ATP8A2: variants seen among roughly 807,000 people sequenced by gnomAD.
ATP8A2 encodes phospholipid-transporting ATPase IB.
ATP8A2 carries 100 observed loss-of-function variants against 165.6 expected under a neutral mutation model. The ratio of observed to expected loss-of-function variants is 0.60; its 90% CI spans 0.51 to 0.71. The LOEUF (loss-of-function observed/expected upper bound fraction) is 0.71. Ranked by LOEUF, ATP8A2 falls within the 30% of genes least tolerant of loss-of-function variation. ATP8A2 has a pLI of 0.00. For missense variants in ATP8A2, 1,227 were observed against 1,479.5 expected (o/e 0.83, Z 2.80); for synonymous variants, 543 against 548.8 (o/e 0.99, Z 0.15).
chr13:25,893,300 G>A (rs1340032851), intron 33 of ATP8A2, among the ~76,000 whole-genome samples: 1 of 149,908 alleles, frequency 6.7e-6, no homozygotes, highest in East Asian at 2.0e-4. Flanking sequence ...AACATGCGGT[G>A]TTTGGTTTTT....
chr13:25,445,616 A>G (rs1055186714), intron 1 of ATP8A2, among the ~76,000 whole-genome samples: 2 of 152,216 alleles, frequency 1.3e-5, no homozygotes, highest in Admixed American at 6.5e-5. Context: ...AACTCTTACT[A>G]TGCTTCTTAA....
chr13:25,718,940 A>G (rs2043312866), intron 25 of ATP8A2, among the ~76,000 whole-genome samples: 1 of 152,146 alleles, frequency 6.6e-6, no homozygotes, highest in African/African-American at 2.4e-5. Flanking sequence ...GTTGATGTGT[A>G]AGAACATACG....
intron 1 of ATP8A2, among the ~76,000 whole-genome samples, chr13:25,385,292 C>T (rs2032999742): frequency 6.6e-6 from 1 of 152,150 alleles, no homozygotes; most frequent in Admixed American, 6.5e-5. Flanking sequence ...AGGTTATAGT[C>T]CAGATGAGTC....
At chr13:25,969,325 T>C (rs777187398) in intron 35 of ATP8A2, among the ~76,000 whole-genome samples, 6 of 152,128 alleles carry the variant, frequency 3.9e-5, no homozygotes, top group South Asian at 2.1e-4. Flanking sequence ...GTTGTTAGAG[T>C]GCACTCTGTT....
intron 2 of ATP8A2, among the ~76,000 whole-genome samples, chr13:25,500,741 G>A (rs967749661): frequency 2.6e-4 from 40 of 152,116 alleles, no homozygotes; most frequent in African/African-American, 9.6e-4. Flanking sequence ...CACCACACTC[G>A]ACTAATTTTT....
chr13:25,423,572 T>G (rs1334724755), intron 1 of ATP8A2, among the ~76,000 whole-genome samples: 1 of 152,250 alleles, frequency 6.6e-6, no homozygotes. Context: ...TATGACAATC[T>G]ACGAGAGTAC....
rs553957305 is a variant in ATP8A2, at chr13:25,951,721, TATGTTA to T, written c.3184-9850_3184-9845del. 5.3e-5 allele frequency among the ~76,000 whole-genome samples: 8 copies of T among 152,310 alleles called. No homozygotes were observed. The South Asian group carries it at 1.7e-3, about 32-fold the overall frequency. ...TTTTGAGAACCCCTTACCATGTTAT[TATGTTA>T]ATGAACCACCACTAATTTTTGTGGT... is the stretch of plus-strand genomic sequence containing the variant. On this transcript the variant is annotated intron_variant, in intron 33 of 36. Transcript: ENST00000381655.
chr13:25,477,898 T>C (rs545261787), intron 2 of ATP8A2, among the ~76,000 whole-genome samples: 34 of 152,154 alleles, frequency 2.2e-4, no homozygotes, highest in African/African-American at 8.2e-4. Flanking sequence ...GATCGCACCA[T>C]TGCACTCCAG....
At chr13:25,789,545 C>T (rs530007531) in intron 27 of ATP8A2, among the ~76,000 whole-genome samples, 1 of 152,236 alleles carries the variant, frequency 6.6e-6, no homozygotes, top group African/African-American at 2.4e-5. Flanking sequence ...AAGGCCTCTA[C>T]AGTGAGAAAT....
intron 24 of ATP8A2, among the ~76,000 whole-genome samples, chr13:25,620,428 C>T (rs1334710233): frequency 6.6e-6 from 1 of 152,104 alleles, no homozygotes. Context: ...TGAGAGTTTG[C>T]TACCAGCCAA....
chr13:25,512,294 A>G (rs1408042267), intron 2 of ATP8A2, among the ~76,000 whole-genome samples: 1 of 152,164 alleles, frequency 6.6e-6, no homozygotes, highest in Non-Finnish European at 1.5e-5. Flanking sequence ...CTACACAGAC[A>G]CGGCAACCAT....
chr13:25,650,964 C>T (rs964409070), intron 24 of ATP8A2, among the ~76,000 whole-genome samples: 3 of 151,962 alleles, frequency 2.0e-5, no homozygotes, highest in Non-Finnish European at 4.4e-5. Flanking sequence ...CTGCATTGTC[C>T]TTATTGGATT....
At position 26,023,532 on chromosome 13, in the gene ATP8A2, T is replaced by C. The variant is rs1318584874; in HGVS notation, c.*3547T>C. ...TAACTAATGTCTTATAATGCATATGTATGTAAATATTACAGGATTTAAGGT... is the reference window on the plus strand; with the variant it reads ...TAACTAATGTCTTATAATGCATATGCATGTAAATATTACAGGATTTAAGGT... On this transcript the variant is annotated 3_prime_UTR_variant, in exon 37 of 37. Coordinates refer to ENST00000381655, the MANE Select transcript of ATP8A2 (RefSeq NM_016529.6). 1 of 152,218 alleles carries C rather than the reference T, an allele frequency of 6.6e-6. No individual in the cohort carries two copies. The highest frequency in any genetic ancestry group is 1.5e-5 in the Non-Finnish European group (1 of 68,048). The allele number at this position is 152,218 out of a possible 1,614,324, so 9.4% of individuals were successfully genotyped here.
chr13:25,683,302 T>C (rs1229835757), intron 24 of ATP8A2, among the ~76,000 whole-genome samples: 2 of 152,218 alleles, frequency 1.3e-5, no homozygotes, highest in East Asian at 3.8e-4. Context: ...ATGCAGTTCC[T>C]ACATCACCAC....
intron 2 of ATP8A2, among the ~76,000 whole-genome samples, chr13:25,502,695 T>C (rs1238593827): frequency 6.6e-6 from 1 of 152,224 alleles, no homozygotes; most frequent in East Asian, 1.9e-4. Flanking sequence ...ACGAATTCAC[T>C]CCTACTTGTC....
At chr13:25,767,933 GA>G (rs1459287207) in intron 25 of ATP8A2, among the ~76,000 whole-genome samples, 6 of 152,078 alleles carry the variant, frequency 3.9e-5, no homozygotes, top group African/African-American at 1.4e-4. Context: ...GACCATCTAG[GA>G]GCTGTTGAAG....
In ATP8A2 at chr13:25,953,545, A is replaced by AAAACAAC. The variant is rs1566299785; in HGVS notation, c.3184-8029_3184-8028insAACAACA. On this transcript the variant is annotated intron_variant, in intron 33 of 36. Transcript: ENST00000381655. The surrounding 1 kb of genome is among the most constrained non-coding windows in gnomAD (Gnocchi z 6.7). ...TTTAAAAAAAAAAAAAAAAAAAAAAAAGCAAGGGAAATAGGCAAGACGGCC... is the reference window on the plus strand; with the variant it reads ...TTTAAAAAAAAAAAAAAAAAAAAAAAAAACAACAGCAAGGGAAATAGGCAAGACGGCC... 0.014 allele frequency among the ~76,000 whole-genome samples: 1,656 copies of AAAACAAC among 122,606 alleles called. 16 individuals carry two copies. The highest frequency in any genetic ancestry group is 0.022 in the Middle Eastern group (5 of 226). The allele number at this position is 122,606 out of a possible 152,430, so 80.4% of individuals were successfully genotyped here. A position where few individuals can be genotyped will look rare whatever the true frequency, so the allele number is the denominator to read the frequency against.
chr13:25,493,601 A>G (rs1351924885), intron 2 of ATP8A2, among the ~76,000 whole-genome samples: 1 of 152,190 alleles, frequency 6.6e-6, no homozygotes, highest in African/African-American at 2.4e-5. Context: ...GAGTCTGTGG[A>G]CATTCAGGTA....
chr13:25,839,481 T>A lies in ATP8A2; in HGVS notation c.2878-65T>A, dbSNP rs1951704564. On this transcript the variant is annotated intron_variant, in intron 29 of 36. Transcript: ENST00000381655. Reference sequence around the variant, plus strand: ...GGATCCTTCACAATGTGGCGTTTGTTGAGAGTTTCACAGAGGTCAAGCGTT... The same window carrying A: ...GGATCCTTCACAATGTGGCGTTTGTAGAGAGTTTCACAGAGGTCAAGCGTT... The A allele has an allele frequency of 4.4e-6, 5 of 1,130,280 alleles. 1 individual carries two copies. In the East Asian group the frequency reaches 1.2e-4, roughly 26 times the overall value. 70.0% of individuals were successfully genotyped at this position (1,130,280 alleles called of 1,614,324 possible).
Sources: gnomAD v4.1 joint callset for allele counts (sites outside exome capture counted in the v4.1 genomes callset) on GRCh38, gnomAD v4.1.1 for gene constraint, Gnocchi (gnomAD v3.1) non-coding constraint, MANE v1.5 for transcripts, NCBI Gene and HGNC (gene_info 2026-07-23, HGNC 2026-07-21) for gene names.